Variants in INPP5D observed in about 807,000 individuals in gnomAD.
INPP5D encodes inositol polyphosphate-5-phosphatase D, also known as phosphatidylinositol 3,4,5-trisphosphate 5-phosphatase 1.
A neutral mutation model predicts 122.9 loss-of-function variants in INPP5D; 33 were observed. The observed-to-expected ratio is 0.27, with a 90% confidence interval of 0.20 to 0.36. The LOEUF (loss-of-function observed/expected upper bound fraction) is 0.36, where lower values mean the gene tolerates loss of function less well. INPP5D is among the 10% of genes least tolerant of loss of function. INPP5D has a pLI of 1.00. For synonymous variants in INPP5D, 584 were observed against 576.2 expected (o/e 1.01, Z -0.19); for missense variants, 1,053 against 1,412.7 (o/e 0.75, Z 4.08).
At chr2:233,070,524 T>C (rs1273203203) in intron 1 of INPP5D, among the ~76,000 whole-genome samples, 1 of 151,750 alleles carries the variant, frequency 6.6e-6, no homozygotes, top group African/African-American at 2.4e-5. Context: ...CACTGCAAAC[T>C]TCTGCCTCCC....
intron 1 of INPP5D, among the ~76,000 whole-genome samples, chr2:233,067,341 G>A (rs1229431997): frequency 1.3e-5 from 2 of 152,220 alleles, no homozygotes; most frequent in Non-Finnish European, 2.9e-5. Flanking sequence ...TGAGCACAAT[G>A]CTGTCAAGCT....
intron 9 of INPP5D, among the ~76,000 whole-genome samples, chr2:233,149,205 G>T (rs148377885): frequency 0.51 from 76,464 of 149,602 alleles, 20,162 homozygotes; most frequent in East Asian, 0.67. Flanking sequence ...CTGGGTTCAA[G>T]TGATTCTTCT....
At chr2:233,167,207 C>CAAAAAAA (rs565735597) in intron 13 of INPP5D, among the ~76,000 whole-genome samples, 4 of 102,160 alleles carry the variant, frequency 3.9e-5, no homozygotes, top group South Asian at 3.5e-4. Context: ...ACCATTTCTA[C>CAAAAAAA]AAAAAAAAAA....
At chr2:233,092,796 C>A (rs1692027568) in intron 2 of INPP5D, among the ~76,000 whole-genome samples, 1 of 152,198 alleles carries the variant, frequency 6.6e-6, no homozygotes, top group Non-Finnish European at 1.5e-5. Flanking sequence ...CTTCTTCCAT[C>A]TTGAGACAGG....
chr2:233,137,353 T>A (rs12617905), intron 5 of INPP5D, among the ~76,000 whole-genome samples: 71,194 of 151,376 alleles, frequency 0.47, 17,104 homozygotes, highest in African/African-American at 0.54. Context: ...AAATCATTTT[T>A]AAAAAAAAGG....
At position 233,122,168 on chromosome 2, in the gene INPP5D, A is replaced by G. The variant is rs1693003703; in HGVS notation, c.260A>G (p.Lys87Arg). Reference protein sequence around the residue: ...TKLDQLIEFYKKENMGLVTHL... With the variant: ...TKLDQLIEFYRKENMGLVTHL... ...CTGGACCAGCTCATCGAGTTTTACA[A>G]GAAGGAAAACATGGGGCTGGTGACC... Residue 87 changes from lysine to arginine, a missense_variant, in exon 3 of 27, where the codon AAG becomes AGG. Around this residue, in one of 6 missense-constraint regions of INPP5D, gnomAD observed 74 missense variants for 146.6 expected, o/e 0.50. Coordinates refer to ENST00000445964, the MANE Select transcript of INPP5D (RefSeq NM_001017915.3). 6.2e-7 allele frequency: 1 copy of G among 1,613,880 alleles called. No individual in the cohort carries two copies. Among genetic ancestry groups the G allele is most frequent in the Admixed American group, 1.7e-5 (1 of 59,990 alleles).
chr2:233,166,171 G>A (rs6715767), intron 13 of INPP5D, among the ~76,000 whole-genome samples: 48,974 of 151,966 alleles, frequency 0.32, 10,040 homozygotes, highest in Non-Finnish European at 0.45. Context: ...CCCAGCAACC[G>A]CCCCGGGTGT....
At chr2:233,139,810 T>C (rs1159915600) in intron 5 of INPP5D, 32 bp from the exon 6 acceptor site, 1 of 398,404 alleles carries the variant, frequency 2.5e-6, no homozygotes, top group Non-Finnish European at 4.4e-6. Flanking sequence ...TGCCCACTAA[T>C]CCTTGATGTT....
intron 1 of INPP5D, among the ~76,000 whole-genome samples, chr2:233,077,531 T>TGGC (rs1691553205): frequency 6.6e-6 from 1 of 152,040 alleles, no homozygotes; most frequent in Non-Finnish European, 1.5e-5. Context: ...TGGTGGCACA[T>TGGC]GCCTGTAATC....
At position 233,204,658 on chromosome 2, in the gene INPP5D, C is replaced by CACGGCA; in HGVS notation, c.3510_3515dup (p.Gly1171_Lys1172insAsnGly). ...CCGCGACAACACCGAGCTCCCGCAT[C>CACGGCA]ACGGCAAGCACCGGCCGGAGGAGGG... On this transcript the variant is annotated inframe_insertion, in exon 26 of 27. Coordinates refer to ENST00000445964, the MANE Select transcript of INPP5D (RefSeq NM_001017915.3). 1 of 1,579,714 alleles carries CACGGCA rather than the reference C, an allele frequency of 6.3e-7. No individual in the cohort carries two copies. The highest frequency in any genetic ancestry group is 8.6e-7 in the Non-Finnish European group (1 of 1,164,096).
intron 14 of INPP5D, chr2:233,169,701 C>G (rs957870057): frequency 3.5e-6 from 2 of 573,144 alleles, no homozygotes; most frequent in African/African-American, 3.7e-5. Context: ...CCTTACAAAT[C>G]CAAGCTGATC....
rs1161590128 is a variant in INPP5D, at chr2:233,195,507, GTGGGGTGGGTGT to G, written c.2693+18_2693+29del. The G allele has an allele frequency of 6.2e-7, 1 of 1,612,438 alleles. No individual in the cohort carries two copies. The highest frequency in any genetic ancestry group is 8.5e-7 in the Non-Finnish European group (1 of 1,179,288). Reference sequence around the variant, plus strand: ...GAAGTCACTAGCAGGTAAAGTGGGCGTGGGGTGGGTGTTGGGGGGGGTGGATATCAGGGACTC... The same window carrying G: ...GAAGTCACTAGCAGGTAAAGTGGGCGTGGGGGGGGTGGATATCAGGGACTC... On this transcript the variant is annotated intron_variant, in intron 24 of 26. Transcript: ENST00000445964.
chr2:233,200,876 G>A (rs1043492392), intron 25 of INPP5D, among the ~76,000 whole-genome samples: 4 of 151,938 alleles, frequency 2.6e-5, no homozygotes, highest in African/African-American at 9.7e-5. Flanking sequence ...CACGAGAATC[G>A]CTTGAACCCG....
intron 1 of INPP5D, among the ~76,000 whole-genome samples, chr2:233,073,798 C>T (rs1449023764): frequency 2.0e-5 from 3 of 151,998 alleles, no homozygotes; most frequent in East Asian, 1.9e-4. Flanking sequence ...TCTTTTTCCT[C>T]GTTCACTTTC....
At position 233,146,618 on chromosome 2, in the gene INPP5D, G is replaced by A. The variant is rs557131506; in HGVS notation, c.906+180G>A. Among the ~76,000 whole-genome samples, 150 of 152,326 alleles carry A rather than the reference G, an allele frequency of 9.8e-4. 1 individual carries two copies. The highest frequency in any genetic ancestry group is 3.4e-3 in the African/African-American group (142 of 41,580). On this transcript the variant is annotated intron_variant, in intron 8 of 26. Coordinates refer to ENST00000445964, the MANE Select transcript of INPP5D (RefSeq NM_001017915.3). ...TGTGATGGCGGTTCAACGTCAGAAC[G>A]GGCACCCAGAGACAACTGGGAAATC... is the stretch of plus-strand genomic sequence containing the variant.
chr2:233,173,150 A>G (rs1040508891), intron 17 of INPP5D, among the ~76,000 whole-genome samples: 2 of 151,086 alleles, frequency 1.3e-5, no homozygotes, highest in Non-Finnish European at 2.9e-5. Context: ...TGGAAGTTGC[A>G]GTGAGCCGAG....
At chr2:233,072,822 A>G (rs1355876027) in intron 1 of INPP5D, among the ~76,000 whole-genome samples, 1 of 152,116 alleles carries the variant, frequency 6.6e-6, no homozygotes. Context: ...CTCATTTCTA[A>G]CTGTTTGTGG....
At chr2:233,086,667 T>TG (rs35723533) in intron 2 of INPP5D, among the ~76,000 whole-genome samples, 61,409 of 151,950 alleles carry the variant, frequency 0.4, 14,927 homozygotes, top group East Asian at 0.77. Context: ...GGATCTGCCC[T>TG]CCTCTAGATT....
At chr2:233,070,106 A>G (rs74430669) in intron 1 of INPP5D, among the ~76,000 whole-genome samples, 10,614 of 152,320 alleles carry the variant, frequency 0.07, 455 homozygotes, top group Admixed American at 0.095. Flanking sequence ...ATTGACCCTC[A>G]TAATCCCTCT....
Sources: gnomAD v4.1 joint callset for allele counts (sites outside exome capture counted in the v4.1 genomes callset) on GRCh38, gnomAD v4.1.1 for gene constraint, gnomAD v4.1.1 regional missense constraint, MANE v1.5 for transcripts, NCBI Gene and HGNC (gene_info 2026-07-23, HGNC 2026-07-21) for gene names.